The following ELFN2 variants were observed in gnomAD, a reference collection of about 807,000 sequenced individuals.
ELFN2 encodes the protein extracellular leucine rich repeat and fibronectin type III domain containing 2.
A neutral mutation model predicts 45.5 loss-of-function variants in ELFN2; 17 were observed. That is an observed-to-expected ratio of 0.37 (90% CI 0.26 to 0.56). The LOEUF (loss-of-function observed/expected upper bound fraction) is 0.56. Among genes scored for constraint, ELFN2 ranks in the 20% least tolerant of loss-of-function variants. ELFN2 has a pLI of 0.77. For missense variants in ELFN2, 922 were observed against 1,183.2 expected (o/e 0.78, Z 3.24); for synonymous variants, 550 against 551.5 (o/e 1.00, Z 0.04).
At chr22:37,391,921 G>C (rs1243118325) in intron 2 of ELFN2, among the ~76,000 whole-genome samples, 1 of 152,222 alleles carries the variant, frequency 6.6e-6, no homozygotes, top group East Asian at 1.9e-4. Context: ...CCCTCGCGTG[G>C]CTGGGTGACA....
intron 1 of ELFN2, among the ~76,000 whole-genome samples, chr22:37,420,069 C>T (rs1054643106): frequency 2.0e-5 from 3 of 152,160 alleles, no homozygotes; most frequent in Non-Finnish European, 2.9e-5. Context: ...GCGCAAGTTC[C>T]GGAGGCTGGC....
intron 1 of ELFN2, chr22:37,353,818 A>G (rs1457981723): frequency 1.3e-5 from 2 of 151,038 alleles, no homozygotes; most frequent in East Asian, 3.8e-4. Flanking sequence ...GGTGGATGGC[A>G]GCGTAAACCC....
At chr22:37,352,296 G>T (rs1389428802) in intron 1 of ELFN2, 2 of 150,970 alleles carry the variant, frequency 1.3e-5, no homozygotes, top group Non-Finnish European at 3.0e-5. Context: ...CCAGAGGGTG[G>T]AGCCTGTGCA....
chr22:37,374,081 T>C lies in ELFN2; in HGVS notation c.1454A>G (p.Lys485Arg), dbSNP rs773698358. The part of the protein sequence containing the change: ...SMIGEKLPTA[K>R]GLEAGLDTPK... ...TGTGTCCAGCCCGGCCTCCAACCCCTTGGCGGTGGGCAGCTTCTCCCCGAT... is the reference window on the plus strand; with the variant it reads ...TGTGTCCAGCCCGGCCTCCAACCCCCTGGCGGTGGGCAGCTTCTCCCCGAT... Residue 485 changes from lysine (K) to arginine (R), a missense_variant, in exon 3 of 3, where the codon AAG becomes AGG. By Grantham distance (26) the Lys-to-Arg change is conservative. Coordinates refer to ENST00000402918, the MANE Select transcript of ELFN2 (RefSeq NM_052906.5). 1.9e-5 allele frequency: 31 copies of C among 1,612,994 alleles called. No homozygotes were observed. Among genetic ancestry groups the C allele is most frequent in the African/African-American group, 4.0e-5 (3 of 74,912 alleles).
At chr22:37,423,350 A>G (rs562306075) in intron 1 of ELFN2, among the ~76,000 whole-genome samples, 123 of 152,264 alleles carry the variant, frequency 8.1e-4, no homozygotes, top group African/African-American at 2.9e-3. Flanking sequence ...CACTGCACCC[A>G]TTTACAGATA....
intron 1 of ELFN2, among the ~76,000 whole-genome samples, chr22:37,343,632 C>T (rs893308395): frequency 3.3e-5 from 5 of 152,076 alleles, no homozygotes; most frequent in South Asian, 4.1e-4. Context: ...TGATCAACAC[C>T]CACCAGGCTG....
rs777240171 is a variant in ELFN2, at chr22:37,374,861, G to A, written c.674C>T (p.Pro225Leu). 1.3e-5 allele frequency: 21 copies of A among 1,608,628 alleles called. No homozygotes were observed. The highest frequency in any genetic ancestry group is 2.2e-5 in the East Asian group (1 of 44,878). The change falls in exon 3 of 3, where the codon CCG becomes CTG. Residue 225 changes from proline (P) to leucine (L), a missense_variant. Around this residue, in one of 2 missense-constraint regions of ELFN2, gnomAD observed 358 missense variants for 540.4 expected, o/e 0.66. Transcript: ENST00000402918. The stretch of plus-strand genomic sequence containing the variant: ...GTGGTAGGGCCGGGGCACCAGCAGC[G>A]GGTAGCCGGCAAACTCCCGCGGCGA... ...CESPREFAGY[P>L]LLVPRPYHSL...
chr22:37,401,909 G>A (rs1039430653), intron 2 of ELFN2, among the ~76,000 whole-genome samples: 1 of 152,138 alleles, frequency 6.6e-6, no homozygotes, highest in Non-Finnish European at 1.5e-5. Context: ...TGTCTTTTCC[G>A]TCTTCCATCT....
At chr22:37,379,783 G>A (rs1234116383) in intron 2 of ELFN2, among the ~76,000 whole-genome samples, 2 of 152,126 alleles carry the variant, frequency 1.3e-5, no homozygotes, top group Admixed American at 1.3e-4. Flanking sequence ...GTCACTCTCA[G>A]CAAATGCCTC....
At chr22:37,355,350 G>C (rs980439442) in intron 1 of ELFN2, among the ~76,000 whole-genome samples, 4 of 152,320 alleles carry the variant, frequency 2.6e-5, no homozygotes, top group African/African-American at 4.8e-5. Flanking sequence ...AGGCTGGCCG[G>C]GCCCGAGGCC....
intron 2 of ELFN2, among the ~76,000 whole-genome samples, chr22:37,391,978 TCTC>T: frequency 6.6e-6 from 1 of 152,138 alleles, no homozygotes; most frequent in African/African-American, 2.4e-5. Context: ...CCAAGACCCA[TCTC>T]CTCTGCCCCA....
chr22:37,366,979 G>A (rs9619672), downstream of ELFN2, among the ~76,000 whole-genome samples: 45,235 of 152,178 alleles, frequency 0.3, 8,472 homozygotes, highest in Admixed American at 0.53. Context: ...GGAAAGCCCT[G>A]TGGGCCACCA....
chr22:37,349,375 G>A (rs1930771509), intron 1 of ELFN2, among the ~76,000 whole-genome samples: 1 of 151,168 alleles, frequency 6.6e-6, no homozygotes, highest in South Asian at 2.1e-4. Flanking sequence ...GGTGCCCCCG[G>A]CCCAGATTCC....
chr22:37,348,455 G>A (rs897753290), intron 1 of ELFN2, among the ~76,000 whole-genome samples: 2 of 142,980 alleles, frequency 1.4e-5, no homozygotes, highest in African/African-American at 4.9e-5. Context: ...GAGGAGAAAC[G>A]AGGCTGAGGT....
chr22:37,410,591 C>A (rs1180597761), intron 2 of ELFN2, among the ~76,000 whole-genome samples: 2 of 152,222 alleles, frequency 1.3e-5, no homozygotes, highest in African/African-American at 4.8e-5. Flanking sequence ...GCCCCTCCCT[C>A]CCCTGCCATC....
intron 1 of ELFN2, among the ~76,000 whole-genome samples, chr22:37,359,824 T>C (rs1402317272): frequency 6.6e-6 from 1 of 152,046 alleles, no homozygotes; most frequent in Non-Finnish European, 1.5e-5. Flanking sequence ...TTTACAGAGG[T>C]GATAGTGTTA....
Position 37,410,846 on chromosome 22 carries a change from G to A in ELFN2, c.-463+6923C>T, listed in dbSNP as rs542396544. ...TCCAAAGCCCATCGGCTCCTTCCAC[G>A]ACATCCTGTTCGGCAGGCAGTAGGA... On this transcript the variant is annotated intron_variant, in intron 2 of 2. Transcript: ENST00000402918. Among the ~76,000 whole-genome samples the A allele has an allele frequency of 8.7e-4, 133 of 152,256 alleles. 1 individual carries two copies. Among genetic ancestry groups the A allele is most frequent in the Admixed American group, 1.8e-3 (27 of 15,302 alleles).
At chr22:37,340,687 G>A (rs987447157) in exon 3 of ELFN2, 1 of 152,366 alleles carries the variant, frequency 6.6e-6, no homozygotes, top group Non-Finnish European at 1.5e-5. Flanking sequence ...AGAGCCAGGA[G>A]GCAGTGTCAG....
intron 2 of ELFN2, among the ~76,000 whole-genome samples, chr22:37,377,255 T>C (rs1284340592): frequency 6.6e-6 from 1 of 152,210 alleles, no homozygotes; most frequent in Admixed American, 6.5e-5. Context: ...CCCAGCAAGC[T>C]GGACACAGCC....
Sources: gnomAD v4.1 joint callset for allele counts (sites outside exome capture counted in the v4.1 genomes callset) on GRCh38, gnomAD v4.1.1 for gene constraint, gnomAD v4.1.1 regional missense constraint, MANE v1.5 for transcripts, NCBI Gene and HGNC (gene_info 2026-07-23, HGNC 2026-07-21) for gene names.